DLGAP2: variants seen among roughly 807,000 people sequenced by gnomAD.
The protein encoded by DLGAP2 is DLG associated protein 2, also known as disks large-associated protein 2.
Under a neutral mutation model 100.3 loss-of-function variants are expected in DLGAP2, and 26 were observed. The ratio of observed to expected loss-of-function variants is 0.26; its 90% CI spans 0.19 to 0.36. The LOEUF is 0.36. Among genes scored for constraint, DLGAP2 ranks in the 10% least tolerant of loss-of-function variants. The pLI is 1.00. For missense variants in DLGAP2, 1,858 were observed against 1,453.2 expected, an observed-to-expected ratio of 1.28 and a Z score of -4.53; for synonymous variants, 886 against 630.1, an observed-to-expected ratio of 1.41 and a Z score of -6.08.
chr8:1,185,440 A>G (rs1465409588), intron 2 of DLGAP2, among the ~76,000 whole-genome samples: 1 of 152,122 alleles, frequency 6.6e-6, no homozygotes, highest in Non-Finnish European at 1.5e-5. Flanking sequence ...GGGATGAGAT[A>G]GAATGGTTTA....
intron 2 of DLGAP2, among the ~76,000 whole-genome samples, chr8:1,156,259 C>A (rs1168037074): frequency 6.6e-6 from 1 of 152,126 alleles, no homozygotes. Flanking sequence ...TAGGTCTCCT[C>A]CTCCTTCCCG....
chr8:893,208 A>G (rs79658846), intron 1 of DLGAP2: 1 of 152,262 alleles, frequency 6.6e-6, no homozygotes, highest in African/African-American at 2.4e-5. Flanking sequence ...GATCCTGCAG[A>G]GTGGCATGCG....
chr8:832,961 A>G (rs1294421675), intron 1 of DLGAP2, among the ~76,000 whole-genome samples: 2 of 151,990 alleles, frequency 1.3e-5, no homozygotes, highest in African/African-American at 4.8e-5. Context: ...TTCTCTCACA[A>G]CTCTGGTTTC....
At chr8:973,826 C>T (rs1344120079) in intron 2 of DLGAP2, among the ~76,000 whole-genome samples, 19 of 150,348 alleles carry the variant, frequency 1.3e-4, no homozygotes, top group South Asian at 6.3e-4. Flanking sequence ...GGCCCCGCGG[C>T]GGTCCGGGAG....
At chr8:1,245,351 C>T (rs563064772) in intron 2 of DLGAP2, among the ~76,000 whole-genome samples, 8 of 152,248 alleles carry the variant, frequency 5.3e-5, no homozygotes, top group East Asian at 1.9e-4. Flanking sequence ...GTCAAGTATC[C>T]GGAAACGGAG....
intron 2 of DLGAP2, among the ~76,000 whole-genome samples, chr8:1,077,919 GC>G (rs1478088854): frequency 1.3e-5 from 2 of 152,200 alleles, no homozygotes; most frequent in East Asian, 3.9e-4. Flanking sequence ...CCGCCGCACA[GC>G]CCTGATTCTC....
chr8:1,319,220 C>T (rs7831235), intron 3 of DLGAP2, among the ~76,000 whole-genome samples: 42,058 of 152,046 alleles, frequency 0.28, 5,990 homozygotes, highest in Admixed American at 0.32. Context: ...TGCTGCCACC[C>T]CAGTGAACTG....
At chr8:764,845 T>C (rs1204137979) in intron 1 of DLGAP2, among the ~76,000 whole-genome samples, 2 of 152,144 alleles carry the variant, frequency 1.3e-5, no homozygotes, top group African/African-American at 4.8e-5. Context: ...CACAGAACTT[T>C]AAAAAAATTT....
rs4976875 is a variant in DLGAP2 at position 1,242,438 on chromosome 8, T to A, written c.74-16413T>A. 8.5e-5 allele frequency among the ~76,000 whole-genome samples: 13 copies of A among 152,202 alleles called. No homozygotes were observed. In the South Asian group the frequency reaches 2.1e-3, roughly 24 times the overall value. On this transcript the variant is annotated intron_variant, in intron 2 of 14. Coordinates refer to ENST00000637795, the MANE Select transcript of DLGAP2 (RefSeq NM_001346810.2). ...AGCGAAGGGCTTGGCCCGTCTGTTC[T>A]TTCCTGGCCACGGACCTTGTTCACT... is the stretch of plus-strand genomic sequence containing the variant.
chr8:1,080,923 A>G (rs6559213), intron 2 of DLGAP2, among the ~76,000 whole-genome samples: 49,251 of 152,040 alleles, frequency 0.32, 8,033 homozygotes, highest in Admixed American at 0.36. Flanking sequence ...ATCTAGCACT[A>G]AAATATTTTT....
chr8:885,685 T>A (rs1450772203), intron 1 of DLGAP2, among the ~76,000 whole-genome samples: 1 of 152,206 alleles, frequency 6.6e-6, no homozygotes, highest in African/African-American at 2.4e-5. Context: ...AGAGAGGGCC[T>A]CCTCGTCTTG....
chr8:1,660,413 T>C (rs1798382721), intron 8 of DLGAP2, among the ~76,000 whole-genome samples: 1 of 152,222 alleles, frequency 6.6e-6, no homozygotes, highest in African/African-American at 2.4e-5. Flanking sequence ...GGGATTATAT[T>C]ATATGCATAT....
chr8:796,588 C>A (rs942492668), intron 1 of DLGAP2, among the ~76,000 whole-genome samples: 8 of 152,156 alleles, frequency 5.3e-5, no homozygotes, highest in Admixed American at 2.0e-4. Flanking sequence ...TGAGTGGATT[C>A]CTCCTCTGCA....
At chr8:1,381,782 A>AGTGTGTGTGTGTGTGTGTGTGTGTGT (rs72529197) in intron 3 of DLGAP2, among the ~76,000 whole-genome samples, 1 of 141,694 alleles carries the variant, frequency 7.1e-6, no homozygotes, top group African/African-American at 2.6e-5. Context: ...GGGTTATTCT[A>AGTGTGTGTGTGTGTGTGTGTGTGTGT]GTGTGTGTGT....
At chr8:1,028,989 G>A (rs1435362650) in intron 2 of DLGAP2, among the ~76,000 whole-genome samples, 1 of 152,120 alleles carries the variant, frequency 6.6e-6, no homozygotes, top group Non-Finnish European at 1.5e-5. Flanking sequence ...AGATGAATTG[G>A]ACATGGCTTG....
At chr8:1,370,782 G>T (rs1003800768) in intron 3 of DLGAP2, among the ~76,000 whole-genome samples, 2 of 152,192 alleles carry the variant, frequency 1.3e-5, no homozygotes, top group Non-Finnish European at 2.9e-5. Flanking sequence ...GGTTACCACT[G>T]CCTGGCCTGG....
At chr8:1,354,293 G>T (rs1237943932) in intron 3 of DLGAP2, among the ~76,000 whole-genome samples, 1 of 152,160 alleles carries the variant, frequency 6.6e-6, no homozygotes, top group Non-Finnish European at 1.5e-5. Flanking sequence ...ATTGCCTGAG[G>T]CCAGGAGTTT....
chr8:1,011,762 T>A (rs140359666), intron 2 of DLGAP2, among the ~76,000 whole-genome samples: 1,498 of 75,268 alleles, frequency 0.02, no homozygotes, highest in Middle Eastern at 0.038. Flanking sequence ...CAGTGGGCCC[T>A]GGAATGAGGG....
At chr8:1,007,239 C>T (rs1469122602) in intron 2 of DLGAP2, among the ~76,000 whole-genome samples, 1 of 152,190 alleles carries the variant, frequency 6.6e-6, no homozygotes, top group East Asian at 1.9e-4. Context: ...GTCAGTCCCA[C>T]ACTCTTCACG....
Sources: gnomAD v4.1 joint callset for allele counts (sites outside exome capture counted in the v4.1 genomes callset) on GRCh38, gnomAD v4.1.1 for gene constraint, MANE v1.5 for transcripts, NCBI Gene and HGNC (gene_info 2026-07-23, HGNC 2026-07-21) for gene names.